The following TASP1 variants were observed in gnomAD, a reference collection of about 807,000 sequenced individuals.
TASP1 encodes the protein threonine aspartase 1.
In TASP1, 16 loss-of-function variants were observed where a neutral mutation model predicts 56.6. The observed-to-expected ratio is 0.28, with a 90% CI of 0.19 to 0.43. The LOEUF is 0.43. Ranked by LOEUF, TASP1 falls within the 20% of genes least tolerant of loss-of-function variation. TASP1 has a pLI of 1.00. For synonymous variants in TASP1, 179 were observed against 184.2 expected (o/e 0.97, Z 0.23); for missense variants, 393 against 511.6 (o/e 0.77, Z 2.24).
chr20:13,293,062 T>C, the TASP1 span, among the ~76,000 whole-genome samples: 1 of 151,990 alleles, frequency 6.6e-6, no homozygotes, highest in South Asian at 2.1e-4. Context: ...TAGCTGGGCA[T>C]GGTGGCAGGC....
chr20:13,370,096 T>C, the TASP1 span, among the ~76,000 whole-genome samples: 1 of 152,034 alleles, frequency 6.6e-6, no homozygotes, highest in African/African-American at 2.4e-5. Context: ...CAAAAGACAA[T>C]CAACAGATGT....
At chr20:13,467,282 C>T (rs2044299238) in intron 11 of TASP1, among the ~76,000 whole-genome samples, 1 of 151,714 alleles carries the variant, frequency 6.6e-6, no homozygotes. Flanking sequence ...AACCCTTCAT[C>T]CTAAATGAAG....
At chr20:13,184,814 A>G in the TASP1 span, among the ~76,000 whole-genome samples, 11 of 152,318 alleles carry the variant, frequency 7.2e-5, no homozygotes, top group Admixed American at 2.6e-4. Flanking sequence ...AACAATCCAC[A>G]GCTGGAATCA....
At chr20:13,626,279 T>G (rs1338206306) in intron 2 of TASP1, among the ~76,000 whole-genome samples, 4 of 151,860 alleles carry the variant, frequency 2.6e-5, no homozygotes, top group South Asian at 2.1e-4. Flanking sequence ...ACAAAAAAAG[T>G]AGCCAAGCAT....
At chr20:13,372,541 A>G in the TASP1 span, among the ~76,000 whole-genome samples, 1 of 151,290 alleles carries the variant, frequency 6.6e-6, no homozygotes, top group Non-Finnish European at 1.5e-5. Flanking sequence ...ATGTATACAC[A>G]TATATGTAAT....
At chr20:13,296,833 T>C in the TASP1 span, among the ~76,000 whole-genome samples, 1 of 152,106 alleles carries the variant, frequency 6.6e-6, no homozygotes, top group African/African-American at 2.4e-5. Flanking sequence ...ACCTGGCCAA[T>C]GTGGTGAAAC....
chr20:13,393,800 C>A, intron 13 of TASP1: 1 of 573,098 alleles, frequency 1.7e-6, no homozygotes. Context: ...AATGTCCATG[C>A]AGACACCCTG....
chr20:13,333,334 A>C, the TASP1 span, among the ~76,000 whole-genome samples: 1 of 152,226 alleles, frequency 6.6e-6, no homozygotes, highest in East Asian at 1.9e-4. Flanking sequence ...AGGAGAGAGA[A>C]ATTTAAAGCA....
chr20:13,521,354 G>A (rs974477297), intron 10 of TASP1, among the ~76,000 whole-genome samples: 4 of 152,254 alleles, frequency 2.6e-5, no homozygotes, highest in East Asian at 1.9e-4. Context: ...ATTCACAATA[G>A]CAAAGACTTG....
intron 11 of TASP1, among the ~76,000 whole-genome samples, chr20:13,442,140 C>G (rs948905759): frequency 6.6e-6 from 1 of 152,240 alleles, no homozygotes; most frequent in Admixed American, 6.5e-5. Flanking sequence ...CCTTTCCCCC[C>G]ATAAACTGAG....
the TASP1 span, among the ~76,000 whole-genome samples, chr20:13,152,628 A>C: frequency 6.6e-6 from 1 of 152,214 alleles, no homozygotes; most frequent in Non-Finnish European, 1.5e-5. Flanking sequence ...GATCTAAAAG[A>C]AAGACTCAAA....
chr20:13,343,957 C>T, the TASP1 span, among the ~76,000 whole-genome samples: 4 of 152,014 alleles, frequency 2.6e-5, no homozygotes, highest in Admixed American at 2.6e-4. Flanking sequence ...CCCAGCCCAC[C>T]GGGCTTCTGC....
the TASP1 span, among the ~76,000 whole-genome samples, chr20:13,251,179 T>C: frequency 1.3e-5 from 2 of 152,222 alleles, no homozygotes; most frequent in African/African-American, 2.4e-5. Flanking sequence ...CACCCAGTAG[T>C]TGAATGGTGA....
the TASP1 span, among the ~76,000 whole-genome samples, chr20:13,144,255 T>G: frequency 2.6e-5 from 4 of 152,346 alleles, no homozygotes; most frequent in East Asian, 7.7e-4. Flanking sequence ...CACTTGATTT[T>G]CTATCTTGTT....
At chr20:13,245,840 T>C in the TASP1 span, among the ~76,000 whole-genome samples, 35 of 152,240 alleles carry the variant, frequency 2.3e-4, no homozygotes, top group Non-Finnish European at 5.9e-5. Flanking sequence ...TATCTGGAAC[T>C]GACCCACCTT....
At chr20:13,289,604 G>A in the TASP1 span, among the ~76,000 whole-genome samples, 1 of 151,962 alleles carries the variant, frequency 6.6e-6, no homozygotes, top group Non-Finnish European at 1.5e-5. Flanking sequence ...GTTGTGAAGA[G>A]AAGAAGAAAG....
intron 1 of TASP1, among the ~76,000 whole-genome samples, chr20:13,636,004 G>A (rs1167515367): frequency 6.6e-6 from 1 of 151,954 alleles, no homozygotes; most frequent in African/African-American, 2.4e-5. Flanking sequence ...GTTTTTCACC[G>A]TAGGTTTGCT....
intron 10 of TASP1, 127 bp from the exon 11 acceptor site, chr20:13,483,464 G>T: frequency 1.9e-6 from 1 of 535,298 alleles, no homozygotes. Context: ...ATTCCGTGAG[G>T]GATGAAATGA....
At chr20:13,140,881 T>C in the TASP1 span, among the ~76,000 whole-genome samples, 1 of 152,228 alleles carries the variant, frequency 6.6e-6, no homozygotes, top group African/African-American at 2.4e-5. Flanking sequence ...TTTCATTTAC[T>C]CTGATTATTT....
Sources: gnomAD v4.1 joint callset for allele counts (sites outside exome capture counted in the v4.1 genomes callset) on GRCh38, gnomAD v4.1.1 for gene constraint, MANE v1.5 for transcripts, NCBI Gene and HGNC (gene_info 2026-07-23, HGNC 2026-07-21) for gene names.